The following TNPO1 variants were observed in gnomAD, a reference collection of about 807,000 sequenced individuals.
The protein encoded by TNPO1 is transportin 1, also known as transportin-1.
In TNPO1, 8 loss-of-function variants were observed where a neutral mutation model predicts 119.5. The observed-to-expected ratio is 0.07, with a 90% confidence interval of 0.04 to 0.12. TNPO1 has a LOEUF of 0.12. TNPO1 is among the 10% of genes least tolerant of loss of function. The probability of loss-of-function intolerance (pLI) is 1.00; values close to 1 mark genes in which losing one functional copy is unlikely to be tolerated. For synonymous variants in TNPO1, 362 were observed against 363.0 expected, an observed-to-expected ratio of 1.00 and a Z score of 0.03; for missense variants, 576 against 1,089.8, an observed-to-expected ratio of 0.53 and a Z score of 6.64.
chr5:72,909,329 A>C lies in TNPO1; in HGVS notation c.*656A>C, dbSNP rs1326492191. On this transcript the variant is annotated 3_prime_UTR_variant, in exon 25 of 25. Transcript: ENST00000337273. ...TAAAACAAAACAAACATAAACAATG[A>C]AGCACCCTGTGAAATGCCAAATGAG... is the stretch of plus-strand genomic sequence containing the variant. 6.6e-6 allele frequency: 1 copy of C among 152,416 alleles called. No homozygotes were observed. The highest frequency in any genetic ancestry group is 1.5e-5 in the Non-Finnish European group (1 of 68,254). The allele number at this position is 152,416 out of a possible 1,614,324, so 9.4% of individuals were successfully genotyped here. A position where few individuals can be genotyped will look rare whatever the true frequency, so the allele number is the denominator to read the frequency against.
chr5:72,820,128 G>A (rs567370555), intron 1 of TNPO1, among the ~76,000 whole-genome samples: 2 of 151,958 alleles, frequency 1.3e-5, no homozygotes, highest in Non-Finnish European at 2.9e-5. Flanking sequence ...CTCACCATAA[G>A]CATTTTCTTA....
At chr5:72,899,664 C>T (rs1339031971) in intron 20 of TNPO1, among the ~76,000 whole-genome samples, 5 of 152,068 alleles carry the variant, frequency 3.3e-5, no homozygotes, top group African/African-American at 1.2e-4. Flanking sequence ...TAAATTTGTC[C>T]ATTTAACTGC....
chr5:72,820,302 C>G (rs1743897366), intron 1 of TNPO1, among the ~76,000 whole-genome samples: 1 of 152,086 alleles, frequency 6.6e-6, no homozygotes, highest in South Asian at 2.1e-4. Context: ...GTCCCCAAAG[C>G]AAAAATACTG....
intron 9 of TNPO1, among the ~76,000 whole-genome samples, chr5:72,880,029 A>G (rs1051075253): frequency 3.9e-5 from 6 of 152,142 alleles, no homozygotes; most frequent in Non-Finnish European, 5.9e-5. Context: ...TCTACCAAAA[A>G]TACAAAAATT....
rs1251452206 is a variant in TNPO1, at chr5:72,909,392, A to C, written c.*719A>C. On this transcript the variant is annotated 3_prime_UTR_variant, in exon 25 of 25. Coordinates refer to ENST00000337273, the MANE Select transcript of TNPO1 (RefSeq NM_002270.4). ...CCTTTTTTGGGGTGGGCAGGGAGGG[A>C]GGAATAAATGGGGTTGGGCATATCA... The C allele has an allele frequency of 2.0e-5, 3 of 152,128 alleles. No individual in the cohort carries two copies. Among genetic ancestry groups the C allele is most frequent in the Non-Finnish European group, 4.4e-5 (3 of 68,038 alleles). 9.4% of individuals were successfully genotyped at this position (152,128 alleles called of 1,614,324 possible).
At chr5:72,890,976 C>G (rs1169708534) in intron 14 of TNPO1, among the ~76,000 whole-genome samples, 2 of 151,996 alleles carry the variant, frequency 1.3e-5, no homozygotes, top group Non-Finnish European at 2.9e-5. Context: ...ATTTCAGCCT[C>G]CCCTGTAGCT....
rs140643968 is a variant in TNPO1, at chr5:72,881,341, C to G, written c.921-1126C>G. 2.6e-3 allele frequency among the ~76,000 whole-genome samples: 402 copies of G among 152,306 alleles called. 2 individuals carry two copies. Among genetic ancestry groups the G allele is most frequent in the African/African-American group, 8.9e-3 (372 of 41,566 alleles). On this transcript the variant is annotated intron_variant, in intron 9 of 24. Transcript: ENST00000337273. ...GGCCGGGCTGGTCTCGAACTCCTGA[C>G]CTCGTGATCCGCTCGCCTCGACCTA...
intron 9 of TNPO1, among the ~76,000 whole-genome samples, chr5:72,881,245 G>A (rs923216409): frequency 4.1e-4 from 63 of 152,118 alleles, no homozygotes; most frequent in African/African-American, 1.5e-3. Context: ...TGAGTAGCTG[G>A]GACTACAGGC....
chr5:72,875,290 G>A (rs1747678367), intron 7 of TNPO1, among the ~76,000 whole-genome samples: 1 of 152,130 alleles, frequency 6.6e-6, no homozygotes, highest in Non-Finnish European at 1.5e-5. Context: ...ATCAGGGTTG[G>A]TAGGGAATAG....
intron 6 of TNPO1, among the ~76,000 whole-genome samples, chr5:72,868,234 C>T (rs1464224943): frequency 6.6e-6 from 1 of 151,846 alleles, no homozygotes; most frequent in African/African-American, 2.4e-5. Context: ...AGATCGAGAC[C>T]ATCCTTGCTA....
intron 15 of TNPO1, among the ~76,000 whole-genome samples, chr5:72,892,340 C>A (rs957081795): frequency 2.6e-5 from 4 of 151,910 alleles, no homozygotes; most frequent in African/African-American, 9.7e-5. Context: ...CGTAACTGAA[C>A]ACACTGTGAA....
chr5:72,869,363 A>C (rs1056684206), intron 6 of TNPO1, among the ~76,000 whole-genome samples: 1 of 152,078 alleles, frequency 6.6e-6, no homozygotes, highest in Non-Finnish European at 1.5e-5. Flanking sequence ...CCCGGCCAAC[A>C]TGGCAAAATC....
chr5:72,830,263 A>G (rs1288692112), intron 1 of TNPO1, among the ~76,000 whole-genome samples: 2 of 152,166 alleles, frequency 1.3e-5, no homozygotes, highest in Admixed American at 6.5e-5. Context: ...AAAGCAGAAT[A>G]TACACACACT....
chr5:72,834,840 T>C (rs924192605), intron 1 of TNPO1, among the ~76,000 whole-genome samples: 7 of 148,066 alleles, frequency 4.7e-5, no homozygotes, highest in Non-Finnish European at 9.0e-5. Flanking sequence ...GTCCCTTATA[T>C]TGATAAACCA....
intron 8 of TNPO1, 91 bp from the exon 9 acceptor site, chr5:72,877,137 T>C: frequency 1.9e-6 from 1 of 515,744 alleles, no homozygotes; most frequent in Non-Finnish European, 3.3e-6. Flanking sequence ...TTGAAAACCA[T>C]AAGGTCAAAA....
chr5:72,860,825 T>G (rs1746384539), intron 4 of TNPO1, among the ~76,000 whole-genome samples: 1 of 152,212 alleles, frequency 6.6e-6, no homozygotes, highest in South Asian at 2.1e-4. Context: ...TATTTGAACC[T>G]AACAGACTCA....
At position 72,913,234 on chromosome 5, in the gene TNPO1, A is replaced by G. The variant is rs555069738; in HGVS notation, c.*4561A>G. The G allele has an allele frequency of 2.0e-5, 3 of 152,566 alleles. No homozygotes were observed. In the East Asian group the frequency reaches 5.8e-4, roughly 29 times the overall value. The allele number at this position is 152,566 out of a possible 1,614,324, so 9.5% of individuals were successfully genotyped here. Reference sequence around the variant, plus strand: ...ACTTCTAATGCCTCTCTAAAATTAAATTTTACATAAAAGTTAGTTTTATTC... The same window carrying G: ...ACTTCTAATGCCTCTCTAAAATTAAGTTTTACATAAAAGTTAGTTTTATTC... On this transcript the variant is annotated 3_prime_UTR_variant, in exon 25 of 25. Transcript: ENST00000337273.
intron 24 of TNPO1, among the ~76,000 whole-genome samples, chr5:72,908,189 AC>A (rs1404494328): frequency 6.6e-6 from 1 of 152,192 alleles, no homozygotes; most frequent in African/African-American, 2.4e-5. Context: ...GGCTTAAAAT[AC>A]CAGACAACCC....
chr5:72,819,343 A>G (rs1452080230), intron 1 of TNPO1, among the ~76,000 whole-genome samples: 7 of 152,338 alleles, frequency 4.6e-5, no homozygotes, highest in Non-Finnish European at 1.0e-4. Flanking sequence ...AACCACAGCA[A>G]GTGGTAACTG....
Sources: gnomAD v4.1 joint callset for allele counts (sites outside exome capture counted in the v4.1 genomes callset) on GRCh38, gnomAD v4.1.1 for gene constraint, MANE v1.5 for transcripts, NCBI Gene and HGNC (gene_info 2026-07-23, HGNC 2026-07-21) for gene names.